Variants in SAFB observed in about 807,000 individuals in gnomAD.
The protein encoded by SAFB is scaffold attachment factor B.
A neutral mutation model predicts 101.6 loss-of-function variants in SAFB; 15 were observed. The ratio of observed to expected loss-of-function variants is 0.15; its 90% CI spans 0.10 to 0.23. SAFB has a LOEUF of 0.23. Among genes scored for constraint, SAFB ranks in the 10% least tolerant of loss-of-function variants. The pLI is 1.00. For missense variants in SAFB, 930 were observed against 1,104.1 expected (o/e 0.84, Z 2.23); for synonymous variants, 449 against 407.5 (o/e 1.10, Z -1.23).
chr19:5,643,594 T>A (rs1244910247), intron 4 of SAFB, among the ~76,000 whole-genome samples: 1 of 152,196 alleles, frequency 6.6e-6, no homozygotes, highest in Non-Finnish European at 1.5e-5. Flanking sequence ...TGGCTGCATC[T>A]TCTTAAGGCT....
At chr19:5,645,601 G>A (rs2053811365) in intron 5 of SAFB, among the ~76,000 whole-genome samples, 1 of 152,204 alleles carries the variant, frequency 6.6e-6, no homozygotes, top group African/African-American at 2.4e-5. Context: ...TCTAGGCTTC[G>A]ACGAGTGGCC....
Position 5,641,882 on chromosome 19 carries a change from C to T in SAFB, c.482C>T (p.Ser161Leu), listed in dbSNP as rs911417623. Residue 161 changes from serine (S) to leucine (L), a missense_variant, in exon 4 of 21, where the codon TCG (serine) becomes TTG (leucine). This residue lies in a region of SAFB where 130 missense variants were observed against 114.2 expected (regional missense o/e 1.14). Transcript: ENST00000588852. ...DDADNLQESL[S>L]DSRELVEGEM... ...GCTGATAACCTCCAGGAGTCCCTGT[C>T]GGATAGTAGAGAGCTAGTCGAGGGG... 8 of 1,614,082 alleles carry T rather than the reference C, an allele frequency of 5.0e-6. No homozygotes were observed. Among genetic ancestry groups the T allele is most frequent in the African/African-American group, 1.3e-5 (1 of 75,020 alleles).
At position 5,654,197 on chromosome 19, in the gene SAFB, T is replaced by G; in HGVS notation, c.1663T>G (p.Ser555Ala). 1 of 1,614,098 alleles carries G rather than the reference T, an allele frequency of 6.2e-7. No homozygotes were observed. Among genetic ancestry groups the G allele is most frequent in the Non-Finnish European group, 8.5e-7 (1 of 1,180,016 alleles). Residue 555 changes from serine (S) to alanine (A), a missense_variant, in exon 12 of 21, where the codon TCA (serine) becomes GCA (alanine). Ser to Ala is a moderately conservative substitution (Grantham distance 99). Coordinates refer to ENST00000588852, the MANE Select transcript of SAFB (RefSeq NM_001201338.2). The part of the protein sequence containing the change: ...GPSERSRATK[S>A]GSRGTERTVV... ...CTCAGAGCGATCTCGAGCCACAAAGTCAGGTGGGCAGCTCATGAGCCCAGG... is the reference window on the plus strand; with the variant it reads ...CTCAGAGCGATCTCGAGCCACAAAGGCAGGTGGGCAGCTCATGAGCCCAGG...
At position 5,641,728 on chromosome 19, in the gene SAFB, G is replaced by T. The variant is rs972333585; in HGVS notation, c.340-12G>T. 1 of 1,614,028 alleles carries T rather than the reference G, an allele frequency of 6.2e-7. No homozygotes were observed. Among genetic ancestry groups the T allele is most frequent in the Non-Finnish European group, 8.5e-7 (1 of 1,179,942 alleles). ...GGCGGTCACATGATGGTTCGGTCTG[G>T]TTGTGTCACAGGAGGATGTTGAGAC... On this transcript the variant is annotated splice_polypyrimidine_tract_variant and intron_variant, in intron 3 of 20. Coordinates refer to ENST00000588852, the MANE Select transcript of SAFB (RefSeq NM_001201338.2).
chr19:5,648,526 G>A (rs892981607), intron 6 of SAFB: 20 of 307,008 alleles, frequency 6.5e-5, no homozygotes, highest in Non-Finnish European at 1.2e-4. Context: ...TCCAAACACT[G>A]TTCACTTTCT....
chr19:5,626,525 T>G (rs1249826034), intron 2 of SAFB, 36 bp downstream of exon 2: 1 of 1,262,536 alleles, frequency 7.9e-7, no homozygotes, highest in Non-Finnish European at 1.2e-6. Flanking sequence ...TCATGTTAAG[T>G]GCTTTCTTCA....
chr19:5,644,695 A>G (rs1391037390), intron 4 of SAFB, among the ~76,000 whole-genome samples: 1 of 152,264 alleles, frequency 6.6e-6, no homozygotes, highest in Non-Finnish European at 1.5e-5. Flanking sequence ...GCTTTAGAGC[A>G]GATGGCCAAA....
chr19:5,667,478 G>C lies in SAFB; in HGVS notation c.2557+28G>C. The C allele has an allele frequency of 1.4e-6, 2 of 1,443,562 alleles. No individual in the cohort carries two copies. Among genetic ancestry groups the C allele is most frequent in the South Asian group, 2.6e-5 (2 of 77,124 alleles). 89.4% of individuals were successfully genotyped at this position (1,443,562 alleles called of 1,614,324 possible). On this transcript the variant is annotated intron_variant, in intron 19 of 20. Coordinates refer to ENST00000588852, the MANE Select transcript of SAFB (RefSeq NM_001201338.2). The surrounding 1 kb of genome is among the most constrained non-coding windows in gnomAD (Gnocchi z 4.0). Reference sequence around the variant, plus strand: ...GAGGAGCAGCTCTGGGCTGGGACCAGGATGTGCTGGGGAGTGATGGAAAGA... The same window carrying C: ...GAGGAGCAGCTCTGGGCTGGGACCACGATGTGCTGGGGAGTGATGGAAAGA...
chr19:5,641,480 T>G lies in SAFB; in HGVS notation c.275-114T>G, dbSNP rs1235184534. The G allele has an allele frequency of 7.4e-6, 6 of 811,960 alleles. No individual in the cohort carries two copies. The Admixed American group carries it at 1.2e-4, about 17-fold the overall frequency. 50.3% of individuals were successfully genotyped at this position (811,960 alleles called of 1,614,324 possible). A position where few individuals can be genotyped will look rare whatever the true frequency, so the allele number is the denominator to read the frequency against. On this transcript the variant is annotated intron_variant, in intron 2 of 20. Transcript: ENST00000588852. The stretch of plus-strand genomic sequence containing the variant: ...TCCTGGATTAGGAAGTGTTCCTAAG[T>G]AGTGAGGTGTCTCAGATGTTTATAA...
intron 2 of SAFB, among the ~76,000 whole-genome samples, chr19:5,636,889 A>G (rs1390585131): frequency 6.6e-6 from 1 of 151,552 alleles, no homozygotes; most frequent in Non-Finnish European, 1.5e-5. Context: ...TTATATTTTT[A>G]GTAGAGACAG....
intron 13 of SAFB, among the ~76,000 whole-genome samples, chr19:5,655,677 C>T (rs1052596649): frequency 3.3e-5 from 5 of 152,118 alleles, no homozygotes; most frequent in Admixed American, 6.6e-5. Flanking sequence ...AACCATTTCA[C>T]TTGGTGAATG....
Position 5,649,448 on chromosome 19 carries a change from C to T in SAFB, c.1097C>T (p.Pro366Leu). 2.0e-6 allele frequency: 1 copy of T among 497,700 alleles called. No homozygotes were observed. The highest frequency in any genetic ancestry group is 3.4e-6 in the Non-Finnish European group (1 of 298,068). 30.8% of individuals were successfully genotyped at this position (497,700 alleles called of 1,614,324 possible). ...KFDFDACNEV[P>L]PAPKESSTSE... is the part of the protein sequence containing the mutation. ...GATTTTGACGCTTGTAATGAAGTCC[C>T]TCCGGCTCCTAAAGAGTCCTCAACC... The change falls in exon 7 of 21, where the codon CCT becomes CTT. Residue 366 changes from proline (P) to leucine (L), a missense_variant. By Grantham distance (98) the Pro-to-Leu change is moderately conservative. This residue lies in a region of SAFB where 130 missense variants were observed against 114.2 expected (regional missense o/e 1.14). Transcript: ENST00000588852.
intron 15 of SAFB, 21 bp downstream of exon 15, chr19:5,661,829 C>T (rs2054214181): frequency 6.7e-7 from 1 of 1,493,832 alleles, no homozygotes. Context: ...CCATGCTGCC[C>T]TTAGCACGTG....
At chr19:5,640,419 G>A (rs941417229) in intron 2 of SAFB, among the ~76,000 whole-genome samples, 6 of 132,044 alleles carry the variant, frequency 4.5e-5, no homozygotes, top group African/African-American at 9.0e-5. Flanking sequence ...AGACTGGAGT[G>A]CAGTGGTGTG....
intron 4 of SAFB, among the ~76,000 whole-genome samples, chr19:5,643,584 T>C (rs2053766439): frequency 6.6e-6 from 1 of 152,224 alleles, no homozygotes; most frequent in Non-Finnish European, 1.5e-5. Context: ...CCTTCCTGAA[T>C]GGCTGCATCT....
chr19:5,643,605 G>A (rs1011096984), intron 4 of SAFB, among the ~76,000 whole-genome samples: 1 of 152,112 alleles, frequency 6.6e-6, no homozygotes, highest in African/African-American at 2.4e-5. Flanking sequence ...TCTTAAGGCT[G>A]TTTTTTTCCC....
chr19:5,654,078 G>A lies in SAFB; in HGVS notation c.1544G>A (p.Arg515Lys). 6.2e-7 allele frequency: 1 copy of A among 1,614,112 alleles called. No homozygotes were observed. The highest frequency in any genetic ancestry group is 1.1e-5 in the South Asian group (1 of 91,084). ...TTTTATAGATCTACAAACCTTAAGAGGGATGATAAATGTGACAGAAAAGAT... is the reference window on the plus strand; with the variant it reads ...TTTTATAGATCTACAAACCTTAAGAAGGATGATAAATGTGACAGAAAAGAT... ...SNSDRSTNLK[R>K]DDKCDRKDDA... Residue 515 changes from arginine to lysine, a missense_variant, in exon 12 of 21, where the codon AGG becomes AAG. By Grantham distance (26) the Arg-to-Lys change is conservative. Transcript: ENST00000588852.
chr19:5,650,633 G>T (rs555416586), intron 8 of SAFB, among the ~76,000 whole-genome samples: 1 of 152,066 alleles, frequency 6.6e-6, no homozygotes, highest in Admixed American at 6.6e-5. Context: ...GGCTGGTCTC[G>T]AACTCTTGAC....
Position 5,649,950 on chromosome 19 carries a change from A to G in SAFB, c.1173A>G (p.Thr391=). 6.2e-7 allele frequency: 1 copy of G among 1,613,862 alleles called. No individual in the cohort carries two copies. The highest frequency in any genetic ancestry group is 8.5e-7 in the Non-Finnish European group (1 of 1,179,756). ...KMSSPEDDSD[T]KRLSKEEKGR... ...GTTCTCCCGAAGATGACTCGGATAC[A>G]AAAAGGCTTTCCAAAGAGGAAAAGG... The change falls in exon 8 of 21, where the codon ACA becomes ACG. Residue 391 remains threonine, a synonymous_variant. Coordinates refer to ENST00000588852, the MANE Select transcript of SAFB (RefSeq NM_001201338.2).
Sources: gnomAD v4.1 joint callset for allele counts (sites outside exome capture counted in the v4.1 genomes callset) on GRCh38, gnomAD v4.1.1 for gene constraint, gnomAD v4.1.1 regional missense constraint, Gnocchi (gnomAD v3.1) non-coding constraint, MANE v1.5 for transcripts, NCBI Gene and HGNC (gene_info 2026-07-23, HGNC 2026-07-21) for gene names.